SRRT: variants seen among roughly 807,000 people sequenced by gnomAD.
SRRT encodes the protein serrate, RNA effector molecule.
In SRRT, 32 loss-of-function variants were observed where a neutral mutation model predicts 103.2. That is an observed-to-expected ratio of 0.31 (90% CI 0.23 to 0.42). SRRT has a LOEUF of 0.42. Ranked by LOEUF, SRRT falls within the 10% of genes least tolerant of loss-of-function variation. SRRT has a pLI of 1.00. For missense variants in SRRT, 986 were observed against 1,207.5 expected, an observed-to-expected ratio of 0.82 and a Z score of 2.72; for synonymous variants, 525 against 449.0, an observed-to-expected ratio of 1.17 and a Z score of -2.14.
rs145327657 is a variant in SRRT at position 100,884,097 on chromosome 7, G to A, written c.615G>A (p.Glu205=). The A allele has an allele frequency of 6.7e-3, 10,831 of 1,606,820 alleles. 56 individuals are homozygous for A. Among genetic ancestry groups the A allele is most frequent in the Admixed American group, 0.017 (985 of 56,806 alleles). Residue 205 remains glutamate, a synonymous_variant, in exon 6 of 20, where the codon GAG becomes GAA. Transcript: ENST00000611405. Reference sequence around the variant, plus strand: ...TTCGGTCTAAGTACCACCCAGATGAGGTGGGGAAGCGTCGGCAGGAGGCCC... The same window carrying A: ...TTCGGTCTAAGTACCACCCAGATGAAGTGGGGAAGCGTCGGCAGGAGGCCC... ...EWFRSKYHPD[E]VGKRRQEARG... is the part of the protein sequence containing the mutation.
Position 100,882,354 on chromosome 7 carries a change from C to A in SRRT, c.587+113C>A. 3 of 1,238,070 alleles carry A rather than the reference C, an allele frequency of 2.4e-6. No homozygotes were observed. Among genetic ancestry groups the A allele is most frequent in the Non-Finnish European group, 3.3e-6 (3 of 897,608 alleles). The allele number at this position is 1,238,070 out of a possible 1,614,324, so 76.7% of individuals were successfully genotyped here. A position where few individuals can be genotyped will look rare whatever the true frequency, so the allele number is the denominator to read the frequency against. On this transcript the variant is annotated intron_variant, in intron 5 of 19. Coordinates refer to ENST00000611405, the MANE Select transcript of SRRT (RefSeq NM_015908.6). This position sits in a 1 kb window ranked among gnomAD's most constrained non-coding sequence, Gnocchi z 4.2. The stretch of plus-strand genomic sequence containing the variant: ...TTCCCTGTCCAGAACTTTCTGGGGG[C>A]GGGGGTCGGGAAGTATGACAGCATT...
At chr7:100,886,009 G>T in intron 12 of SRRT, 68 bp downstream of exon 12, 2 of 1,548,446 alleles carry the variant, frequency 1.3e-6, no homozygotes, top group South Asian at 2.2e-5. Context: ...ACCTCTGTGT[G>T]ACTTTGTTCA....
chr7:100,887,883 G>C lies in SRRT; in HGVS notation c.2326+24G>C. On this transcript the variant is annotated intron_variant, in intron 17 of 19. Coordinates refer to ENST00000611405, the MANE Select transcript of SRRT (RefSeq NM_015908.6). This position sits in a 1 kb window ranked among gnomAD's most constrained non-coding sequence, Gnocchi z 4.1. ...GAGTAAGATACGATCCATGAAGGTC[G>C]CATGTGCCCTCTTCCTTGACTACCC... 6.3e-7 allele frequency: 1 copy of C among 1,587,522 alleles called. No homozygotes were observed. The highest frequency in any genetic ancestry group is 8.6e-7 in the Non-Finnish European group (1 of 1,161,004).
At chr7:100,877,647 G>A (rs911057227) in intron 2 of SRRT, among the ~76,000 whole-genome samples, 47 of 151,520 alleles carry the variant, frequency 3.1e-4, no homozygotes, top group African/African-American at 1.1e-3. Flanking sequence ...TCAGCCTCCC[G>A]AGTTGCTGGG....
At position 100,887,057 on chromosome 7, in the gene SRRT, A is replaced by G; in HGVS notation, c.1832A>G (p.Lys611Arg). 6.2e-7 allele frequency: 1 copy of G among 1,614,216 alleles called. No individual in the cohort carries two copies. Among genetic ancestry groups the G allele is most frequent in the Non-Finnish European group, 8.5e-7 (1 of 1,180,034 alleles). Residue 611 changes from lysine (K) to arginine (R), a missense_variant, in exon 15 of 20, where the codon AAG becomes AGG. Physicochemically the swap from Lys to Arg is conservative, Grantham distance 26. This residue lies in a region of SRRT where 349 missense variants were observed against 446.9 expected (regional missense o/e 0.78). Coordinates refer to ENST00000611405, the MANE Select transcript of SRRT (RefSeq NM_015908.6). This position sits in a 1 kb window ranked among gnomAD's most constrained non-coding sequence, Gnocchi z 4.1. ...RDEKLIKVLD[K>R]LLLYLRIVHS... ...ATTCACTTCCCTTAGGTCTTGGACA[A>G]GCTCCTCCTTTACCTGCGCATCGTG...
rs777101908 is a variant in SRRT, at chr7:100,884,726, G to A, written c.943-14G>A. The A allele has an allele frequency of 6.2e-7, 1 of 1,612,962 alleles. No homozygotes were observed. On this transcript the variant is annotated splice_polypyrimidine_tract_variant and intron_variant, in intron 7 of 19. Coordinates refer to ENST00000611405, the MANE Select transcript of SRRT (RefSeq NM_015908.6). ...GGGAGGTTTGACATCCCCAGTGGTT[G>A]TCTCTTACCATAGGCTGAGAATGAC...
At chr7:100,877,608 A>G (rs1815873539) in intron 2 of SRRT, among the ~76,000 whole-genome samples, 1 of 151,040 alleles carries the variant, frequency 6.6e-6, no homozygotes, top group Non-Finnish European at 1.5e-5. Flanking sequence ...TGCAACCTCC[A>G]CCTCCTGGGT....
In SRRT at chr7:100,887,660, A is replaced by C; in HGVS notation, c.2170-43A>C. The C allele has an allele frequency of 6.3e-7, 1 of 1,589,884 alleles. No homozygotes were observed. The highest frequency in any genetic ancestry group is 8.6e-7 in the Non-Finnish European group (1 of 1,162,916). On this transcript the variant is annotated intron_variant, in intron 16 of 19. Transcript: ENST00000611405. The surrounding 1 kb of genome is among the most constrained non-coding windows in gnomAD (Gnocchi z 4.1). ...CCAGCTCGGGCCTGGGAGCGAGGCA[A>C]CCCTTATGTGGCTGTCCTGACCCCT... is the stretch of plus-strand genomic sequence containing the variant.
chr7:100,883,200 C>T (rs1419209730), intron 5 of SRRT: 1 of 152,566 alleles, frequency 6.6e-6, no homozygotes, highest in Non-Finnish European at 1.5e-5. Flanking sequence ...TGTCTTTGTC[C>T]TAATCTCTCA....
chr7:100,881,471 CT>C (rs1268397176), intron 3 of SRRT, 58 bp downstream of exon 3: 1 of 1,591,098 alleles, frequency 6.3e-7, no homozygotes, highest in African/African-American at 1.3e-5. Flanking sequence ...TGGGCCTCCC[CT>C]TTCTCCCCTC....
Position 100,882,396 on chromosome 7 carries a change from C to T in SRRT, c.587+155C>T, listed in dbSNP as rs1356614554. 1 of 807,214 alleles carries T rather than the reference C, an allele frequency of 1.2e-6. No homozygotes were observed. Among genetic ancestry groups the T allele is most frequent in the African/African-American group, 1.7e-5 (1 of 57,248 alleles). 50.0% of individuals were successfully genotyped at this position (807,214 alleles called of 1,614,324 possible). On this transcript the variant is annotated intron_variant, in intron 5 of 19. Coordinates refer to ENST00000611405, the MANE Select transcript of SRRT (RefSeq NM_015908.6). The surrounding 1 kb of genome is among the most constrained non-coding windows in gnomAD (Gnocchi z 4.2). The stretch of plus-strand genomic sequence containing the variant: ...GACAGCATTGGCTGATGGGGTCTCC[C>T]CCTCACTTCAGCAACTGCCACGGCC...
In SRRT at chr7:100,886,956, G is replaced by T. The variant is rs768102333; in HGVS notation, c.1809G>T (p.Glu603Asp). The change falls in exon 14 of 20, where the codon GAG becomes GAT. Residue 603 changes from glutamate (E) to aspartate (D), a missense_variant. Glu to Asp is a conservative substitution (Grantham distance 45). Coordinates refer to ENST00000611405, the MANE Select transcript of SRRT (RefSeq NM_015908.6). ...CAGAGATCAACGTGGAGCGGGATGA[G>T]AAGTTGATTAAGGTGCCAGTGGCAG... The part of the protein sequence containing the change: ...NPAEINVERD[E>D]KLIKVLDKLL... The T allele has an allele frequency of 1.9e-6, 3 of 1,611,140 alleles. No homozygotes were observed. Among genetic ancestry groups the T allele is most frequent in the Admixed American group, 1.7e-5 (1 of 59,770 alleles).
chr7:100,885,148 T>C lies in SRRT; in HGVS notation c.1160-65T>C. 6.2e-7 allele frequency: 1 copy of C among 1,603,526 alleles called. No homozygotes were observed. Among genetic ancestry groups the C allele is most frequent in the Admixed American group, 1.7e-5 (1 of 59,108 alleles). Reference sequence around the variant, plus strand: ...GGTGGCTTTTAGGGGAAAGCTTCTGTATCCTCCCCACCACAATCAGTAATA... The same window carrying C: ...GGTGGCTTTTAGGGGAAAGCTTCTGCATCCTCCCCACCACAATCAGTAATA... On this transcript the variant is annotated intron_variant, in intron 9 of 19. Coordinates refer to ENST00000611405, the MANE Select transcript of SRRT (RefSeq NM_015908.6). The surrounding 1 kb of genome is among the most constrained non-coding windows in gnomAD (Gnocchi z 4.8).
In SRRT at chr7:100,875,654, G is replaced by C; in HGVS notation, c.64G>C (p.Asp22His). Residue 22 changes from aspartate to histidine, a missense_variant, in exon 2 of 20, where the codon GAC becomes CAC. Physicochemically the swap from Asp to His is moderately conservative, Grantham distance 81 (BLOSUM62 -1). Coordinates refer to ENST00000611405, the MANE Select transcript of SRRT (RefSeq NM_015908.6). ...RRDKFRRERSDYDRSRERDER... is the reference protein window; with the variant it reads ...RRDKFRRERSHYDRSRERDER... ...GGACAAGTTCAGAAGAGAGCGCAGC[G>C]ACTACGACCGTTCCCGCGAGAGAGA... is the stretch of plus-strand genomic sequence containing the variant. 1 of 1,614,154 alleles carries C rather than the reference G, an allele frequency of 6.2e-7. No homozygotes were observed. The highest frequency in any genetic ancestry group is 8.5e-7 in the Non-Finnish European group (1 of 1,180,002).
At chr7:100,875,521 T>G in intron 1 of SRRT, 52 bp from the exon 2 acceptor site, 1 of 1,601,236 alleles carries the variant, frequency 6.2e-7, no homozygotes, top group Non-Finnish European at 8.5e-7. Context: ...GGACGGTCCC[T>G]TCCTCCGCTC....
rs749318081 is a variant in SRRT at position 100,887,332 on chromosome 7, A to G, written c.1988A>G (p.Gln663Arg). 5.6e-6 allele frequency: 9 copies of G among 1,613,988 alleles called. No individual in the cohort carries two copies. The highest frequency in any genetic ancestry group is 7.6e-6 in the Non-Finnish European group (9 of 1,179,908). ...TCCCAAACCACAGTGCTGGAGTGGC[A>G]GAAGACTTTTGAGGAGAAGCTCACG... The part of the protein sequence containing the change: ...RISHGEVLEW[Q>R]KTFEEKLTPL... Residue 663 changes from glutamine (Q) to arginine (R), a missense_variant, in exon 16 of 20, where the codon CAG (glutamine) becomes CGG (arginine). This residue lies in a region of SRRT where 349 missense variants were observed against 446.9 expected (regional missense o/e 0.78). Transcript: ENST00000611405. The surrounding 1 kb of genome is among the most constrained non-coding windows in gnomAD (Gnocchi z 4.1).
At position 100,886,573 on chromosome 7, in the gene SRRT, TAGC is replaced by T. The variant is rs1413908540; in HGVS notation, c.1647+143_1647+145del. Reference sequence around the variant, plus strand: ...ACTCATTTGCCCCTTCGTGTGTGGGTAGCAGCACCTCCAGATTCCAGCAGAACT... The same window carrying T: ...ACTCATTTGCCCCTTCGTGTGTGGGTAGCACCTCCAGATTCCAGCAGAACT... On this transcript the variant is annotated intron_variant, in intron 13 of 19. Transcript: ENST00000611405. The T allele has an allele frequency of 7.0e-6, 7 of 1,002,736 alleles. No individual in the cohort carries two copies. In the African/African-American group the frequency reaches 8.1e-5, roughly 12 times the overall value. The allele number at this position is 1,002,736 out of a possible 1,614,324, so 62.1% of individuals were successfully genotyped here.
chr7:100,875,450 G>A, intron 1 of SRRT, 122 bp downstream of exon 1: 1 of 1,535,724 alleles, frequency 6.5e-7, no homozygotes, highest in South Asian at 1.2e-5. Context: ...TCAGGCCTAG[G>A]ATGGTGGGGG....
intron 19 of SRRT, 25 bp downstream of exon 19, chr7:100,888,408 T>G: frequency 6.2e-7 from 1 of 1,613,132 alleles, no homozygotes; most frequent in South Asian, 1.1e-5. Flanking sequence ...CGCCCAAGCT[T>G]TGTTGCCGCC....
Sources: gnomAD v4.1 joint callset for allele counts (sites outside exome capture counted in the v4.1 genomes callset) on GRCh38, gnomAD v4.1.1 for gene constraint, gnomAD v4.1.1 regional missense constraint, Gnocchi (gnomAD v3.1) non-coding constraint, MANE v1.5 for transcripts, NCBI Gene and HGNC (gene_info 2026-07-23, HGNC 2026-07-21) for gene names.